The following TNNT2 variants were observed in gnomAD, a reference collection of about 807,000 sequenced individuals.
TNNT2 encodes the protein troponin T, cardiac muscle.
In TNNT2, 34 loss-of-function variants were observed where a neutral mutation model predicts 62.4. The observed-to-expected ratio is 0.54, with a 90% confidence interval of 0.41 to 0.72. The LOEUF (loss-of-function observed/expected upper bound fraction) is 0.72. TNNT2 is among the 30% of genes least tolerant of loss of function. TNNT2 has a pLI of 0.00. For missense variants in TNNT2, 275 were observed against 381.9 expected, an observed-to-expected ratio of 0.72 and a Z score of 2.33; for synonymous variants, 123 against 127.2, an observed-to-expected ratio of 0.97 and a Z score of 0.22.
chr1:201,367,909 T>A lies in TNNT2; in HGVS notation c.164-103A>T. ...CCCCACAGATAAGCCCTAGCCAAGA[T>A]GCACTCTGTTGGTTTTTGGGGTTAC... On this transcript the variant is annotated intron_variant, in intron 6 of 16. Coordinates refer to ENST00000656932, the MANE Select transcript of TNNT2 (RefSeq NM_001276345.2). 3 of 1,400,028 alleles carry A rather than the reference T, an allele frequency of 2.1e-6. No homozygotes were observed. In the South Asian group the frequency reaches 3.5e-5, roughly 16 times the overall value. The allele number at this position is 1,400,028 out of a possible 1,614,324, so 86.7% of individuals were successfully genotyped here.
At chr1:201,365,509 A>T in intron 9 of TNNT2, 101 bp downstream of exon 9, 1 of 1,381,486 alleles carries the variant, frequency 7.2e-7, no homozygotes, top group Non-Finnish European at 1.0e-6. Flanking sequence ...ACCCCATCCC[A>T]CCTATGCTCT....
At chr1:201,371,902 T>A in intron 4 of TNNT2, 125 bp downstream of exon 4, 2 of 1,313,830 alleles carry the variant, frequency 1.5e-6, no homozygotes, top group Non-Finnish European at 2.2e-6. Context: ...GGCACTGTTG[T>A]TGGAGGATCT....
intron 11 of TNNT2, 171 bp from the exon 12 acceptor site, chr1:201,363,577 CTG>C: frequency 4.7e-6 from 3 of 636,788 alleles, no homozygotes; most frequent in Non-Finnish European, 8.5e-6. Flanking sequence ...AGTCCACTGA[CTG>C]AGAAATGACT....
At chr1:201,371,214 T>C (rs1660562151) in intron 4 of TNNT2, among the ~76,000 whole-genome samples, 1 of 152,184 alleles carries the variant, frequency 6.6e-6, no homozygotes, top group South Asian at 2.1e-4. Flanking sequence ...TCCACCTGCC[T>C]GGGGTGCAGG....
Position 201,365,229 on chromosome 1 carries a change from T to C in TNNT2, c.373A>G (p.Lys125Glu). The change falls in exon 10 of 17, where the codon AAA becomes GAA. Residue 125 changes from lysine to glutamate, a missense_variant. By Grantham distance (56) the Lys-to-Glu change is moderately conservative. Coordinates refer to ENST00000656932, the MANE Select transcript of TNNT2 (RefSeq NM_001276345.2). ...AGAGAAACGAGCTCCTCCTCCTCTTTCTTCCTGTTCTCAAAGTGAGCCTCG... is the reference window on the plus strand; with the variant it reads ...AGAGAAACGAGCTCCTCCTCCTCTTCCTTCCTGTTCTCAAAGTGAGCCTCG... ...LIEAHFENRK[K>E]EEEELVSLKD... 1 of 1,614,184 alleles carries C rather than the reference T, an allele frequency of 6.2e-7. No homozygotes were observed. Among genetic ancestry groups the C allele is most frequent in the Non-Finnish European group, 8.5e-7 (1 of 1,180,006 alleles).
At chr1:201,366,180 G>A (rs1346516506) in intron 8 of TNNT2, 4 of 1,047,362 alleles carry the variant, frequency 3.8e-6, no homozygotes, top group Non-Finnish European at 4.6e-6. Context: ...ATGAGATACC[G>A]CAGTGCACAA....
chr1:201,367,906 A>C, intron 6 of TNNT2, 100 bp from the exon 7 acceptor site: 1 of 1,424,756 alleles, frequency 7.0e-7, no homozygotes, highest in Non-Finnish European at 9.9e-7. Context: ...GCCCTAGCCA[A>C]GATGCACTCT....
At chr1:201,363,580 A>G in intron 11 of TNNT2, 174 bp from the exon 12 acceptor site, 1 of 629,016 alleles carries the variant, frequency 1.6e-6, no homozygotes, top group Non-Finnish European at 2.9e-6. Context: ...CCACTGACTG[A>G]GAAATGACTG....
At chr1:201,373,180 G>A (rs756114840) in intron 2 of TNNT2, 34 bp downstream of exon 2, 4 of 1,611,246 alleles carry the variant, frequency 2.5e-6, no homozygotes, top group Non-Finnish European at 3.4e-6. Context: ...GGCGGGAGAG[G>A]ACCCCACTCA....
chr1:201,363,200 C>G (rs1018889750), intron 12 of TNNT2, 96 bp downstream of exon 12: 22 of 1,607,052 alleles, frequency 1.4e-5, no homozygotes, highest in Middle Eastern at 3.5e-4. Context: ...GAATCTCTTC[C>G]TGGGACCTGA....
intron 13 of TNNT2, 36 bp downstream of exon 13, chr1:201,362,350 T>C (rs771069963): frequency 1.5e-5 from 24 of 1,612,674 alleles, no homozygotes; most frequent in South Asian, 2.2e-5. Context: ...TCCAAAACTA[T>C]GGGGAGGAAG....
chr1:201,367,642 G>T, intron 7 of TNNT2, 129 bp downstream of exon 7: 1 of 1,072,400 alleles, frequency 9.3e-7, no homozygotes, highest in Non-Finnish European at 1.5e-6. Context: ...ACCAAGTTCT[G>T]TCCTCTCCTC....
intron 5 of TNNT2, among the ~76,000 whole-genome samples, chr1:201,368,904 C>T (rs1660150522): frequency 6.6e-6 from 1 of 152,190 alleles, no homozygotes; most frequent in Admixed American, 6.5e-5. Context: ...AAGACACCAT[C>T]GTGGGAGAAG....
rs45612735 is a variant in TNNT2 at position 201,364,429 on chromosome 1, G to A, written c.412-54C>T. The A allele has an allele frequency of 2.2e-3, 3,488 of 1,576,622 alleles. 70 individuals carry two copies. The African/African-American group carries it at 0.042, about 19-fold the overall frequency. On this transcript the variant is annotated intron_variant, in intron 10 of 16. Coordinates refer to ENST00000656932, the MANE Select transcript of TNNT2 (RefSeq NM_001276345.2). The stretch of plus-strand genomic sequence containing the variant: ...GTGTGCATAGGGAGAAGGTGACATC[G>A]CAGGTACAGAAACCTGCATGGGGTG...
chr1:201,362,315 G>A, intron 13 of TNNT2, 71 bp downstream of exon 13: 1 of 1,593,744 alleles, frequency 6.3e-7, no homozygotes, highest in Non-Finnish European at 8.5e-7. Flanking sequence ...CCTCCAGCAA[G>A]GCGCCTTCCC....
rs199865577 is a variant in TNNT2, at chr1:201,372,133, G to T, written c.52+12C>A. On this transcript the variant is annotated intron_variant, in intron 3 of 16. Transcript: ENST00000656932. ...GTCTTTGATCCAAATGAGTACACAC[G>T]TTTACGCTTACCTTCCTGCTCCCTG... 6.2e-7 allele frequency: 1 copy of T among 1,614,132 alleles called. No homozygotes were observed. Among genetic ancestry groups the T allele is most frequent in the Non-Finnish European group, 8.5e-7 (1 of 1,180,032 alleles).
At chr1:201,365,970 C>T in intron 8 of TNNT2, 1 of 1,271,386 alleles carries the variant, frequency 7.9e-7, no homozygotes, top group Non-Finnish European at 1.0e-6. Context: ...ATGACTTGCT[C>T]AAAGCCACAC....
At chr1:201,375,856 G>C (rs1661323512) in intron 1 of TNNT2, among the ~76,000 whole-genome samples, 1 of 152,184 alleles carries the variant, frequency 6.6e-6, no homozygotes, top group Admixed American at 6.5e-5. Context: ...ATGGTGCTGG[G>C]GCCTCACAGG....
chr1:201,362,520 T>C, intron 12 of TNNT2, 126 bp from the exon 13 acceptor site: 1 of 1,286,756 alleles, frequency 7.8e-7, no homozygotes, highest in Non-Finnish European at 1.1e-6. Context: ...ATACTCGCTG[T>C]AGTCAGCCGG....
Sources: gnomAD v4.1 joint callset for allele counts (sites outside exome capture counted in the v4.1 genomes callset) on GRCh38, gnomAD v4.1.1 for gene constraint, MANE v1.5 for transcripts, NCBI Gene and HGNC (gene_info 2026-07-23, HGNC 2026-07-21) for gene names.